TDRD1: variants seen among roughly 807,000 people sequenced by gnomAD.
TDRD1 encodes the protein tudor domain-containing protein 1.
TDRD1 carries 37 observed loss-of-function variants against 140.6 expected under a neutral mutation model. The observed-to-expected ratio is 0.26, with a 90% CI of 0.20 to 0.35. The LOEUF (loss-of-function observed/expected upper bound fraction) is 0.35, where lower values mean the gene tolerates loss of function less well. Among genes scored for constraint, TDRD1 ranks in the 10% least tolerant of loss-of-function variants. The pLI, the probability that TDRD1 is intolerant of heterozygous loss-of-function variation, is 1.00. For missense variants in TDRD1, 1,243 were observed against 1,393.0 expected (o/e 0.89, Z 1.71); for synonymous variants, 506 against 475.7 (o/e 1.06, Z -0.83).
At chr10:114,196,583 A>G (rs554362561) in intron 3 of TDRD1, among the ~76,000 whole-genome samples, 1 of 151,628 alleles carries the variant, frequency 6.6e-6, no homozygotes, top group South Asian at 2.1e-4. Flanking sequence ...CTCCTTTCCC[A>G]CTTTCAGAGT....
intron 3 of TDRD1, among the ~76,000 whole-genome samples, chr10:114,194,450 T>C (rs1224534572): frequency 2.6e-5 from 4 of 152,150 alleles, no homozygotes; most frequent in Non-Finnish European, 4.4e-5. Flanking sequence ...TTTGTCTACA[T>C]TGTCAAATTT....
chr10:114,186,103 T>G (rs1046089110), intron 1 of TDRD1, among the ~76,000 whole-genome samples: 7 of 152,172 alleles, frequency 4.6e-5, no homozygotes, highest in African/African-American at 1.7e-4. Context: ...GTACTTGAAT[T>G]TTTTTTTCTG....
intron 2 of TDRD1, among the ~76,000 whole-genome samples, chr10:114,188,426 G>C (rs2033704952): frequency 6.6e-6 from 1 of 152,144 alleles, no homozygotes; most frequent in South Asian, 2.1e-4. Flanking sequence ...AAACACTCTG[G>C]CTTTTTTATG....
chr10:114,231,714 A>G (rs890691927), exon 26 of TDRD1: 2 of 516,544 alleles, frequency 3.9e-6, no homozygotes, highest in African/African-American at 2.0e-5. Flanking sequence ...ATTACGTAAA[A>G]AATTCATACC....
At chr10:114,205,548 C>A (rs1009904262) in intron 10 of TDRD1, among the ~76,000 whole-genome samples, 1 of 152,180 alleles carries the variant, frequency 6.6e-6, no homozygotes, top group African/African-American at 2.4e-5. Context: ...GCTGACCATT[C>A]TTTCAGCCAT....
intron 9 of TDRD1, among the ~76,000 whole-genome samples, 172 bp downstream of exon 9, chr10:114,204,388 T>A (rs2034967115): frequency 6.6e-6 from 1 of 152,194 alleles, no homozygotes; most frequent in South Asian, 2.1e-4. Context: ...CTGCCCAGGG[T>A]GAGAAACTAA....
At chr10:114,232,114 C>T (rs1410841941) in exon 26 of TDRD1, 3 of 151,816 alleles carry the variant, frequency 2.0e-5, no homozygotes, top group African/African-American at 7.3e-5. Flanking sequence ...TTCTCTCCGT[C>T]CTTAATTGGA....
chr10:114,210,435 G>A (rs1358979756), intron 11 of TDRD1, 146 bp from the exon 12 acceptor site: 6 of 749,224 alleles, frequency 8.0e-6, no homozygotes, highest in Admixed American at 3.2e-5. Context: ...CTGGGAAGAA[G>A]AAACACCATG....
intron 21 of TDRD1, among the ~76,000 whole-genome samples, chr10:114,222,917 C>A (rs1421257862): frequency 1.3e-5 from 2 of 152,122 alleles, no homozygotes; most frequent in East Asian, 3.8e-4. Context: ...AGGTAGATTT[C>A]TACAAATCTG....
intron 3 of TDRD1, among the ~76,000 whole-genome samples, chr10:114,193,658 G>A (rs1225392049): frequency 6.6e-6 from 1 of 151,980 alleles, no homozygotes; most frequent in African/African-American, 2.4e-5. Context: ...ACTGCAAATA[G>A]GGACAGTTTT....
chr10:114,222,638 A>G (rs1238561003), exon 21 of TDRD1: 5 of 1,613,646 alleles, frequency 3.1e-6, no homozygotes, highest in African/African-American at 1.3e-5. Flanking sequence ...GAATACTGCA[A>G]TGCTCCGAAA....
intron 17 of TDRD1, 111 bp from the exon 18 acceptor site, chr10:114,218,302 TA>T: frequency 1.4e-6 from 1 of 706,246 alleles, no homozygotes; most frequent in Non-Finnish European, 2.2e-6. Flanking sequence ...TTTGGGAAAG[TA>T]AGCAAATTTA....
chr10:114,210,709 A>G (rs757655797), exon 12 of TDRD1: 13 of 1,611,772 alleles, frequency 8.1e-6, no homozygotes, highest in Non-Finnish European at 1.1e-5. Flanking sequence ...CCACATTCAA[A>G]CACCAGAAGA....
intron 21 of TDRD1, among the ~76,000 whole-genome samples, chr10:114,224,693 A>T (rs894266432): frequency 2.6e-5 from 4 of 150,954 alleles, no homozygotes; most frequent in Admixed American, 1.3e-4. Flanking sequence ...TTTGTTTTTC[A>T]TGTTTATGTG....
intron 4 of TDRD1, 58 bp from the exon 5 acceptor site, chr10:114,201,352 T>G: frequency 7.3e-7 from 1 of 1,371,198 alleles, no homozygotes; most frequent in Non-Finnish European, 1.0e-6. Context: ...TGCTAAAGTG[T>G]GGACTTTGAG....
chr10:114,197,391 A>G (rs115106710), intron 3 of TDRD1, among the ~76,000 whole-genome samples: 1,682 of 152,172 alleles, frequency 0.011, 32 homozygotes, highest in African/African-American at 0.038. Context: ...TATACTTTTC[A>G]GTTTTAAAAT....
intron 3 of TDRD1, among the ~76,000 whole-genome samples, chr10:114,192,551 C>T (rs1003118073): frequency 6.6e-6 from 1 of 152,034 alleles, no homozygotes; most frequent in East Asian, 1.9e-4. Flanking sequence ...CATGATCCGC[C>T]TGCCTCGGCC....
Position 114,218,396 on chromosome 10 carries a change from A to T in TDRD1, c.2324-18A>T. ...AGAAAGGAAATGTTCCATGTCACAA[A>T]CTGTGTGTTAAACCTAGGTGATGGT... On this transcript the variant is annotated intron_variant, in intron 17 of 25. Transcript: ENST00000251864. 1.3e-6 allele frequency: 2 copies of T among 1,494,594 alleles called. No individual in the cohort carries two copies. The highest frequency in any genetic ancestry group is 1.8e-6 in the Non-Finnish European group (2 of 1,110,806). 92.6% of individuals were successfully genotyped at this position (1,494,594 alleles called of 1,614,324 possible).
exon 18 of TDRD1, chr10:114,218,483 T>C: frequency 6.2e-7 from 1 of 1,612,314 alleles, no homozygotes; most frequent in Non-Finnish European, 8.5e-7. Flanking sequence ...GTACATTTTG[T>C]GGATTATGGA....
Sources: gnomAD v4.1 joint callset for allele counts (sites outside exome capture counted in the v4.1 genomes callset) on GRCh38, gnomAD v4.1.1 for gene constraint, MANE v1.5 for transcripts, NCBI Gene and HGNC (gene_info 2026-07-23, HGNC 2026-07-21) for gene names.